Variants in NR2F2 observed in about 807,000 individuals in gnomAD.
NR2F2 encodes the protein nuclear receptor subfamily 2 group F member 2, also known as COUP transcription factor 2.
NR2F2 carries 2 observed loss-of-function variants against 34.8 expected under a neutral mutation model. The ratio of observed to expected loss-of-function variants is 0.06; its 90% CI spans 0.02 to 0.18. NR2F2 has a LOEUF of 0.18. NR2F2 is among the 10% of genes least tolerant of loss of function. The probability of loss-of-function intolerance (pLI) is 1.00; values close to 1 mark genes in which losing one functional copy is unlikely to be tolerated. For synonymous variants in NR2F2, 274 were observed against 251.8 expected (o/e 1.09, Z -0.84); for missense variants, 300 against 580.1 (o/e 0.52, Z 4.96).
rs1050126221 is a variant in NR2F2 at position 96,331,917 on chromosome 15, C to T, written c.-189C>T. 1 of 1,208,572 alleles carries T rather than the reference C, an allele frequency of 8.3e-7. No homozygotes were observed. The highest frequency in any genetic ancestry group is 1.0e-6 in the Non-Finnish European group (1 of 973,752). 74.9% of individuals were successfully genotyped at this position (1,208,572 alleles called of 1,614,324 possible). A position where few individuals can be genotyped will look rare whatever the true frequency, so the allele number is the denominator to read the frequency against. ...CGACAAAACTTTGCAAAAGCAAAAA[C>T]AAAAAAGGAAAAACTAACCAACCTC... On this transcript the variant is annotated 5_prime_UTR_variant, in exon 1 of 3. Transcript: ENST00000394166.
chr15:96,334,860 G>GT (rs1328030574), intron 2 of NR2F2, among the ~76,000 whole-genome samples: 2 of 152,260 alleles, frequency 1.3e-5, no homozygotes, highest in African/African-American at 4.8e-5. Context: ...TCTGCTGCCT[G>GT]TTTCCCCCAC....
chr15:96,332,671 G>A (rs1404543140), intron 1 of NR2F2, 124 bp downstream of exon 1: 3 of 1,456,966 alleles, frequency 2.1e-6, no homozygotes, highest in Non-Finnish European at 2.7e-6. Context: ...AGCGGAAAAG[G>A]GTTTTATACT....
rs1468469233 is a variant in NR2F2, at chr15:96,338,658, T to C, written c.*1036T>C. 1 of 152,552 alleles carries C rather than the reference T, an allele frequency of 6.6e-6. No individual in the cohort carries two copies. Among genetic ancestry groups the C allele is most frequent in the Non-Finnish European group, 1.5e-5 (1 of 68,022 alleles). 9.4% of individuals were successfully genotyped at this position (152,552 alleles called of 1,614,324 possible). ...GATTCAGTATCTTAGAGTTTACAGTTTGTGTTTTAAAAAAACTGAAGGTTT... is the reference window on the plus strand; with the variant it reads ...GATTCAGTATCTTAGAGTTTACAGTCTGTGTTTTAAAAAAACTGAAGGTTT... On this transcript the variant is annotated 3_prime_UTR_variant, in exon 3 of 3. Coordinates refer to ENST00000394166, the MANE Select transcript of NR2F2 (RefSeq NM_021005.4).
At chr15:96,327,352 T>G (rs1413130820), upstream of NR2F2, 1 of 152,236 alleles carries the variant, frequency 6.6e-6, no homozygotes, top group Admixed American at 6.5e-5. Flanking sequence ...CAAAGTCGTT[T>G]CCCTTTAAGA....
intron 1 of NR2F2, chr15:96,333,476 C>A (rs757925902): frequency 1.0e-6 from 1 of 1,003,458 alleles, no homozygotes; most frequent in Non-Finnish European, 1.2e-6. Context: ...GCCGGCCTCT[C>A]TCTCTCCGCC....
At position 96,334,452 on chromosome 15, in the gene NR2F2, C is replaced by T. The variant is rs530322110; in HGVS notation, c.819C>T (p.Ala273=). The change falls in exon 2 of 3, where the codon GCC becomes GCT. Residue 273 remains alanine, a synonymous_variant. Coordinates refer to ENST00000394166, the MANE Select transcript of NR2F2 (RefSeq NM_021005.4). ...ACGTCGCCCCGCTCCTGGCCGCCGC[C>T]GGCCTGCATGCTTCGCCCATGTCCG... The part of the protein sequence containing the change: ...PLHVAPLLAA[A]GLHASPMSAD... 3.5e-5 allele frequency: 57 copies of T among 1,613,976 alleles called. No individual in the cohort carries two copies. In the South Asian group the frequency reaches 5.5e-4, roughly 16 times the overall value.
upstream of NR2F2, chr15:96,326,168 T>G (rs1278281861): frequency 2.2e-5 from 16 of 726,922 alleles, no homozygotes; most frequent in Non-Finnish European, 3.7e-5. This position sits in a 1 kb window ranked among gnomAD's most constrained non-coding sequence, Gnocchi z 5.5. Flanking sequence ...GTGCCTACTT[T>G]TTATCAGTTT....
At chr15:96,330,114 C>T (rs1899087922), upstream of NR2F2, among the ~76,000 whole-genome samples, 1 of 152,150 alleles carries the variant, frequency 6.6e-6, no homozygotes, top group South Asian at 2.1e-4. Flanking sequence ...ACCTTCCCAC[C>T]CTCACTCCCT....
At position 96,331,292 on chromosome 15, in the gene NR2F2, G is replaced by T. The variant is rs1899133104; in HGVS notation, c.-814G>T. ...CGGACGCCCGGGGCAGGCGGCGGCG[G>T]CGGCGGCCCAGCGCCAGGACGACGC... On this transcript the variant is annotated 5_prime_UTR_variant, in exon 1 of 3. Coordinates refer to ENST00000394166, the MANE Select transcript of NR2F2 (RefSeq NM_021005.4). 9.3e-7 allele frequency: 1 copy of T among 1,070,548 alleles called. No individual in the cohort carries two copies. The highest frequency in any genetic ancestry group is 1.7e-5 in the African/African-American group (1 of 58,960). 66.3% of individuals were successfully genotyped at this position (1,070,548 alleles called of 1,614,324 possible).
At chr15:96,333,503 T>C (rs1899219557) in intron 1 of NR2F2, 1 of 1,002,430 alleles carries the variant, frequency 1.0e-6, no homozygotes, top group African/African-American at 1.7e-5. Context: ...CTCCGTCTCT[T>C]TCTCCGAGCA....
chr15:96,332,023 AGCCCGAGACCCGGGGAGCCGCCGCC>A lies in NR2F2; in HGVS notation c.-78_-54del, dbSNP rs1159764089. On this transcript the variant is annotated 5_prime_UTR_variant, in exon 1 of 3. Transcript: ENST00000394166. Reference sequence around the variant, plus strand: ...GCACACACAAAAGGCGGCGCGCCGGAGCCCGAGACCCGGGGAGCCGCCGCCGCCCCGCCGCCGCCCGCAGCCAGGG... The same window carrying A: ...GCACACACAAAAGGCGGCGCGCCGGAGCCCCGCCGCCGCCCGCAGCCAGGG... 7 of 1,226,100 alleles carry A rather than the reference AGCCCGAGACCCGGGGAGCCGCCGCC, an allele frequency of 5.7e-6. No individual in the cohort carries two copies. The Admixed American group carries it at 1.8e-4, about 31-fold the overall frequency. 76.0% of individuals were successfully genotyped at this position (1,226,100 alleles called of 1,614,324 possible).
At chr15:96,328,764 CTT>C (rs58051222), upstream of NR2F2, among the ~76,000 whole-genome samples, 32 of 138,726 alleles carry the variant, frequency 2.3e-4, no homozygotes, top group South Asian at 4.7e-4. Flanking sequence ...GTTTGCTGGG[CTT>C]TTTTTTTTTT....
Position 96,331,604 on chromosome 15 carries a change from CAA to C in NR2F2, c.-501_-500del. The C allele has an allele frequency of 1.6e-6, 2 of 1,213,228 alleles. No individual in the cohort carries two copies. The highest frequency in any genetic ancestry group is 2.1e-6 in the Non-Finnish European group (2 of 973,558). The allele number at this position is 1,213,228 out of a possible 1,614,324, so 75.2% of individuals were successfully genotyped here. A position where few individuals can be genotyped will look rare whatever the true frequency, so the allele number is the denominator to read the frequency against. On this transcript the variant is annotated 5_prime_UTR_variant, in exon 1 of 3. The change abolishes the stop of an existing upstream ORF in the 5' untranslated region. Transcript: ENST00000394166. ...CCTCCTCCTCCTCCTCCTCCTCCGC[CAA>C]CTCCTCGGCTGCACACCAGCTCTAA...
chr15:96,331,796 C>T lies in NR2F2; in HGVS notation c.-310C>T. ...TTCTGCTCCCACTCGCTCTCCTGTC[C>T]CCTTCCCCTCCCCTCCCGGCGGAAA... On this transcript the variant is annotated 5_prime_UTR_variant, in exon 1 of 3. Transcript: ENST00000394166. The T allele has an allele frequency of 1.7e-6, 2 of 1,202,662 alleles. No individual in the cohort carries two copies. Among genetic ancestry groups the T allele is most frequent in the Non-Finnish European group, 2.1e-6 (2 of 968,746 alleles). The allele number at this position is 1,202,662 out of a possible 1,614,324, so 74.5% of individuals were successfully genotyped here.
Position 96,334,206 on chromosome 15 carries a change from T to C in NR2F2, c.573T>C (p.Tyr191=), listed in dbSNP as rs1596427942. The stretch of plus-strand genomic sequence containing the variant: ...CCCTGCTGTTGCGCGCGGAGCCCTA[T>C]CCCACGTCGCGCTTCGGCAGCCAAT... The part of the protein sequence containing the change: ...YISLLLRAEP[Y]PTSRFGSQCM... The change falls in exon 2 of 3, where the codon TAT becomes TAC. Residue 191 remains tyrosine (Y), a synonymous_variant. Coordinates refer to ENST00000394166, the MANE Select transcript of NR2F2 (RefSeq NM_021005.4). 1 of 1,614,186 alleles carries C rather than the reference T, an allele frequency of 6.2e-7. No homozygotes were observed. Among genetic ancestry groups the C allele is most frequent in the South Asian group, 1.1e-5 (1 of 91,084 alleles).
At position 96,331,574 on chromosome 15, in the gene NR2F2, T is replaced by TCC; in HGVS notation, c.-532_-531insCC. The TCC allele has an allele frequency of 8.4e-7, 1 of 1,190,858 alleles. No homozygotes were observed. The highest frequency in any genetic ancestry group is 1.0e-6 in the Non-Finnish European group (1 of 958,640). 73.8% of individuals were successfully genotyped at this position (1,190,858 alleles called of 1,614,324 possible). On this transcript the variant is annotated 5_prime_UTR_variant, in exon 1 of 3. The change abolishes the stop of an existing upstream ORF in the 5' untranslated region. Coordinates refer to ENST00000394166, the MANE Select transcript of NR2F2 (RefSeq NM_021005.4). Reference sequence around the variant, plus strand: ...CCTCCTCCTTCACCACCACCTCCTCTTCCTCCTCCTCCTCCTCCTCCTCCT... The same window carrying TCC: ...CCTCCTCCTTCACCACCACCTCCTCTCCTCCTCCTCCTCCTCCTCCTCCTCCT...
In NR2F2 at chr15:96,337,354, G is replaced by C; in HGVS notation, c.977G>C (p.Cys326Ser). Residue 326 changes from cysteine (C) to serine (S), a missense_variant, in exon 3 of 3, where the codon TGT becomes TCT. Cys to Ser is a moderately radical substitution (Grantham distance 112). Coordinates refer to ENST00000394166, the MANE Select transcript of NR2F2 (RefSeq NM_021005.4). ...TTTTTAAACTTTCTTCCAGATGCCT[G>C]TGGTCTCTCTGATGTAGCCCATGTG... ...KAIVLFTSDA[C>S]GLSDVAHVES... 6.2e-7 allele frequency: 1 copy of C among 1,612,016 alleles called. No homozygotes were observed. The highest frequency in any genetic ancestry group is 8.5e-7 in the Non-Finnish European group (1 of 1,178,470).
chr15:96,331,312 C>A lies in NR2F2; in HGVS notation c.-794C>A, dbSNP rs1011956447. On this transcript the variant is annotated 5_prime_UTR_variant, in exon 1 of 3. Transcript: ENST00000394166. ...CGGCGGCGGCGGCCCAGCGCCAGGA[C>A]GACGCCGCGCAGCGCCCGACGCGGA... The A allele has an allele frequency of 8.7e-7, 1 of 1,149,702 alleles. No homozygotes were observed. The highest frequency in any genetic ancestry group is 1.1e-6 in the Non-Finnish European group (1 of 935,822). The allele number at this position is 1,149,702 out of a possible 1,614,324, so 71.2% of individuals were successfully genotyped here.
Position 96,337,860 on chromosome 15 carries a change from T to A in NR2F2, c.*238T>A. The A allele has an allele frequency of 2.6e-6, 1 of 378,598 alleles. No individual in the cohort carries two copies. The highest frequency in any genetic ancestry group is 3.9e-5 in the East Asian group (1 of 25,600). 23.5% of individuals were successfully genotyped at this position (378,598 alleles called of 1,614,324 possible). A position where few individuals can be genotyped will look rare whatever the true frequency, so the allele number is the denominator to read the frequency against. On this transcript the variant is annotated 3_prime_UTR_variant, in exon 3 of 3. Coordinates refer to ENST00000394166, the MANE Select transcript of NR2F2 (RefSeq NM_021005.4). ...AACTCCTGTGTCGGTCAGAACAACT[T>A]GCTACTTATCATTTTTGTATAAAAA...
Sources: gnomAD v4.1 joint callset for allele counts (sites outside exome capture counted in the v4.1 genomes callset) on GRCh38, gnomAD v4.1.1 for gene constraint, Gnocchi (gnomAD v3.1) non-coding constraint, MANE v1.5 for transcripts, NCBI Gene and HGNC (gene_info 2026-07-23, HGNC 2026-07-21) for gene names.